The following CNFN variants were observed in gnomAD, a reference collection of about 807,000 sequenced individuals.
CNFN encodes cornefied envelope protein cornefilin.
Under a neutral mutation model 14.9 loss-of-function variants are expected in CNFN, and 10 were observed. The observed-to-expected ratio is 0.67, with a 90% CI of 0.41 to 1.14. The LOEUF (loss-of-function observed/expected upper bound fraction) is 1.14, where lower values mean the gene tolerates loss of function less well. Ranked by LOEUF, CNFN falls within the 50% of genes most tolerant of loss-of-function variation. The pLI is 0.00. For synonymous variants in CNFN, 66 were observed against 60.0 expected (o/e 1.10, Z -0.46); for missense variants, 165 against 152.8 (o/e 1.08, Z -0.42).
rs192266036 is a variant in CNFN at position 42,387,975 on chromosome 19, G to A, written c.113-499C>T. Among the ~76,000 whole-genome samples, 19 of 121,838 alleles carry A rather than the reference G, an allele frequency of 1.6e-4. No homozygotes were observed. The Admixed American group carries it at 1.7e-3, about 11-fold the overall frequency. 79.9% of individuals were successfully genotyped at this position (121,838 alleles called of 152,430 possible). ...AGCCTGGGCGACAGAGCAATACTCC[G>A]TCTCAAAAAAAACAAAAAACAAAAC... On this transcript the variant is annotated intron_variant, in intron 2 of 3. Transcript: ENST00000222032.
intron 1 of CNFN, among the ~76,000 whole-genome samples, chr19:42,389,241 C>G (rs2039879773): frequency 6.6e-6 from 1 of 152,248 alleles, no homozygotes; most frequent in Non-Finnish European, 1.5e-5. Flanking sequence ...CTGCTGGCTC[C>G]TGCACGTCTG....
At chr19:42,390,123 G>C (rs915329818) in intron 1 of CNFN, 117 bp downstream of exon 1, 3 of 155,870 alleles carry the variant, frequency 1.9e-5, no homozygotes, top group African/African-American at 7.2e-5. Context: ...TGTCCCGAGA[G>C]ACCGACAATC....
Position 42,389,438 on chromosome 19 carries a change from G to A in CNFN, c.-2-399C>T, listed in dbSNP as rs555858134. The A allele has an allele frequency of 1.1e-3, 1,410 of 1,285,546 alleles. 4 individuals are homozygous for A. The Middle Eastern group carries it at 0.014, about 13-fold the overall frequency. 79.6% of individuals were successfully genotyped at this position (1,285,546 alleles called of 1,614,324 possible). A position where few individuals can be genotyped will look rare whatever the true frequency, so the allele number is the denominator to read the frequency against. On this transcript the variant is annotated intron_variant, in intron 1 of 3. Transcript: ENST00000222032. ...AAGCAAGGGTGCCCAGGGGAGGGAG[G>A]CGGCCAGGTTCCAGTACTGAGAGGG...
Position 42,387,019 on chromosome 19 carries a change from T to G in CNFN, c.*134A>C. 1.3e-6 allele frequency: 1 copy of G among 798,672 alleles called. No homozygotes were observed. Among genetic ancestry groups the G allele is most frequent in the Non-Finnish European group, 2.1e-6 (1 of 478,272 alleles). The allele number at this position is 798,672 out of a possible 1,614,324, so 49.5% of individuals were successfully genotyped here. On this transcript the variant is annotated 3_prime_UTR_variant, in exon 4 of 4. Transcript: ENST00000222032. ...TGGGACAAAATGGATGTAGGCGGAG[T>G]TGGTTTTCAGGTTTTTATTGTGGGT...
In CNFN at chr19:42,387,084, T is replaced by A; in HGVS notation, c.*69A>T. ...GGGACAGGGGTGGTGAGGCAGTCCC[T>A]CCCAGGAGTGGCCAGAGAAGGCCAG... On this transcript the variant is annotated 3_prime_UTR_variant, in exon 4 of 4. Coordinates refer to ENST00000222032, the MANE Select transcript of CNFN (RefSeq NM_032488.4). The A allele has an allele frequency of 6.6e-7, 1 of 1,517,384 alleles. No individual in the cohort carries two copies. The highest frequency in any genetic ancestry group is 1.4e-5 in the African/African-American group (1 of 73,152). The allele number at this position is 1,517,384 out of a possible 1,614,324, so 94.0% of individuals were successfully genotyped here. A position where few individuals can be genotyped will look rare whatever the true frequency, so the allele number is the denominator to read the frequency against.
rs1600090948 is a variant in CNFN at position 42,389,808 on chromosome 19, T to G, written c.-3+432A>C. 2.0e-5 allele frequency among the ~76,000 whole-genome samples: 3 copies of G among 152,158 alleles called. No individual in the cohort carries two copies. In the South Asian group the frequency reaches 6.2e-4, roughly 32 times the overall value. On this transcript the variant is annotated intron_variant, in intron 1 of 3. Coordinates refer to ENST00000222032, the MANE Select transcript of CNFN (RefSeq NM_032488.4). ...CAGAGGACCCTCCCCATACCCGAGA[T>G]AGAGCTTGAGGGAGAACAAGAAATG...
chr19:42,387,605 G>T, intron 2 of CNFN, 129 bp from the exon 3 acceptor site: 1 of 600,806 alleles, frequency 1.7e-6, no homozygotes, highest in Non-Finnish European at 2.8e-6. Flanking sequence ...GTCCCAGAGG[G>T]AATTAGAGGT....
intron 2 of CNFN, among the ~76,000 whole-genome samples, chr19:42,387,855 C>A (rs1161491848): frequency 6.6e-6 from 1 of 150,786 alleles, no homozygotes; most frequent in Non-Finnish European, 1.5e-5. Context: ...TGGTGTGTGC[C>A]TGTAATCTCA....
At chr19:42,389,541 G>A (rs1257232992) in intron 1 of CNFN, 3 of 1,289,968 alleles carry the variant, frequency 2.3e-6, no homozygotes, top group Non-Finnish European at 2.0e-6. Context: ...TGGCCCTGAG[G>A]AGGTGGCGTT....
rs753991332 is a variant in CNFN, at chr19:42,387,185, GGC to G, written c.305_306del (p.Cys102SerfsTer51). The G allele has an allele frequency of 1.2e-6, 2 of 1,614,224 alleles. No individual in the cohort carries two copies. Among genetic ancestry groups the G allele is most frequent in the Non-Finnish European group, 1.7e-6 (2 of 1,180,042 alleles). On this transcript the variant is annotated frameshift_variant, in exon 4 of 4. Coordinates refer to ENST00000222032, the MANE Select transcript of CNFN (RefSeq NM_032488.4). LOFTEE classifies it high-confidence loss of function. Reference protein sequence around the residue: ...ALTFCLPCALCQMARELKIRE With the variant: ...ALTFCLPCALXQMARELKIRE ...CGGATCTTCAGTTCCCGCGCCATCT[GGC>G]AGAGGGCGCAGGGCAGACAAAAGGT... is the stretch of plus-strand genomic sequence containing the variant.
chr19:42,388,262 C>T (rs2039871013), intron 2 of CNFN, among the ~76,000 whole-genome samples: 1 of 151,926 alleles, frequency 6.6e-6, no homozygotes, highest in African/African-American at 2.4e-5. Flanking sequence ...GGCGTGATCT[C>T]GGCTCACTGC....
chr19:42,387,258 GA>G lies in CNFN; in HGVS notation c.250-17del. Reference sequence around the variant, plus strand: ...CGACGGAGCCCTAGAGGGTAGGAGAGAGCGGTCAGGAGCCCCGCGGTGGGTC... The same window carrying G: ...CGACGGAGCCCTAGAGGGTAGGAGAGGCGGTCAGGAGCCCCGCGGTGGGTC... On this transcript the variant is annotated splice_polypyrimidine_tract_variant and intron_variant, in intron 3 of 3. Transcript: ENST00000222032. 6.2e-7 allele frequency: 1 copy of G among 1,611,450 alleles called. No homozygotes were observed. Among genetic ancestry groups the G allele is most frequent in the East Asian group, 2.2e-5 (1 of 44,766 alleles).
chr19:42,387,048 T>C lies in CNFN; in HGVS notation c.*105A>G. 8.7e-7 allele frequency: 1 copy of C among 1,147,354 alleles called. No individual in the cohort carries two copies. The allele number at this position is 1,147,354 out of a possible 1,614,324, so 71.1% of individuals were successfully genotyped here. A position where few individuals can be genotyped will look rare whatever the true frequency, so the allele number is the denominator to read the frequency against. The stretch of plus-strand genomic sequence containing the variant: ...TTTTCAGGTTTTTATTGTGGGTGTA[T>C]TTCTGGCAGCGGGACAGGGGTGGTG... On this transcript the variant is annotated 3_prime_UTR_variant, in exon 4 of 4. Transcript: ENST00000222032.
chr19:42,387,979 C>CAA (rs200969895), intron 2 of CNFN, among the ~76,000 whole-genome samples: 5 of 30,936 alleles, frequency 1.6e-4, no homozygotes, highest in African/African-American at 5.3e-4. Flanking sequence ...TACTCCGTCT[C>CAA]AAAAAAAACA....
In CNFN at chr19:42,388,337, C is replaced by T. The variant is rs921564422; in HGVS notation, c.112+589G>A. On this transcript the variant is annotated intron_variant, in intron 2 of 3. Coordinates refer to ENST00000222032, the MANE Select transcript of CNFN (RefSeq NM_032488.4). ...CCTCCCGAGTAGCTGAGTTTACAGGCGCCCGCCACCACGCCCGGTTTTTTT... is the reference window on the plus strand; with the variant it reads ...CCTCCCGAGTAGCTGAGTTTACAGGTGCCCGCCACCACGCCCGGTTTTTTT... 3.3e-5 allele frequency among the ~76,000 whole-genome samples: 5 copies of T among 150,116 alleles called. No homozygotes were observed. The East Asian group carries it at 5.8e-4, about 18-fold the overall frequency.
chr19:42,388,856 G>C (rs2039875814), intron 2 of CNFN, 70 bp downstream of exon 2: 2 of 1,157,486 alleles, frequency 1.7e-6, no homozygotes, highest in East Asian at 4.9e-5. Context: ...TTGGAGGTGA[G>C]CTTCCCTCTC....
intron 1 of CNFN, 144 bp from the exon 2 acceptor site, chr19:42,389,183 T>A: frequency 1.6e-6 from 1 of 641,882 alleles, no homozygotes; most frequent in East Asian, 2.8e-5. Flanking sequence ...GCCTCCCCCT[T>A]CCCTTCTGCT....
chr19:42,389,353 G>A, intron 1 of CNFN: 1 of 733,772 alleles, frequency 1.4e-6, no homozygotes, highest in South Asian at 1.5e-5. Context: ...TCTGGGCCTG[G>A]GTTCTGGGTT....
chr19:42,388,484 C>T (rs938074342), intron 2 of CNFN, among the ~76,000 whole-genome samples: 6 of 152,144 alleles, frequency 3.9e-5, no homozygotes, highest in South Asian at 2.1e-4. Flanking sequence ...TGAGCCACTG[C>T]GCCCGACCTA....
Sources: gnomAD v4.1 joint callset for allele counts (sites outside exome capture counted in the v4.1 genomes callset) on GRCh38, gnomAD v4.1.1 for gene constraint, MANE v1.5 for transcripts, NCBI Gene and HGNC (gene_info 2026-07-23, HGNC 2026-07-21) for gene names.